The following PTPRD variants were observed in gnomAD, a reference collection of about 807,000 sequenced individuals.
PTPRD encodes the protein receptor-type tyrosine-protein phosphatase delta.
A neutral mutation model predicts 214.5 loss-of-function variants in PTPRD; 34 were observed. The ratio of observed to expected loss-of-function variants is 0.16; its 90% CI spans 0.12 to 0.21. The LOEUF (loss-of-function observed/expected upper bound fraction) is 0.21. Ranked by LOEUF, PTPRD falls within the 10% of genes least tolerant of loss-of-function variation. PTPRD has a pLI of 1.00. For missense variants in PTPRD, 2,545 were observed against 2,398.7 expected (o/e 1.06, Z -1.27); for synonymous variants, 1,128 against 845.7 (o/e 1.33, Z -5.79).
intron 2 of PTPRD, among the ~76,000 whole-genome samples, chr9:10,603,143 G>A (rs531499645): frequency 9.2e-5 from 14 of 151,896 alleles, no homozygotes; most frequent in African/African-American, 2.4e-4. Flanking sequence ...CCAGGAAAAG[G>A]GACCCGAGCT....
intron 12 of PTPRD, among the ~76,000 whole-genome samples, chr9:8,669,351 G>C (rs2097232354): frequency 1.3e-5 from 2 of 152,280 alleles, no homozygotes; most frequent in Non-Finnish European, 2.9e-5. Flanking sequence ...GACCTGAGCA[G>C]AGAGACTGGC....
At chr9:8,365,302 G>C (rs2079544710) in intron 39 of PTPRD, among the ~76,000 whole-genome samples, 1 of 152,134 alleles carries the variant, frequency 6.6e-6, no homozygotes. Flanking sequence ...ACAGGAAGAT[G>C]TAAAGAAAAT....
chr9:10,598,570 C>T (rs907050547), intron 2 of PTPRD, among the ~76,000 whole-genome samples: 6 of 151,718 alleles, frequency 4.0e-5, no homozygotes, highest in African/African-American at 1.5e-4. Context: ...TCTAATTTCA[C>T]CTTTACTTCT....
chr9:9,586,246 G>A (rs2091927236), intron 7 of PTPRD, among the ~76,000 whole-genome samples: 1 of 151,932 alleles, frequency 6.6e-6, no homozygotes, highest in Non-Finnish European at 1.5e-5. Flanking sequence ...TAGTTTTGCT[G>A]TAGACCTCAT....
chr9:9,043,920 A>G (rs2099657103), intron 10 of PTPRD, among the ~76,000 whole-genome samples: 1 of 90,004 alleles, frequency 1.1e-5, no homozygotes, highest in Non-Finnish European at 2.4e-5. Flanking sequence ...AAAATAAAAT[A>G]AAATAAAATA....
intron 5 of PTPRD, among the ~76,000 whole-genome samples, chr9:9,850,908 A>T (rs2060437728): frequency 1.3e-5 from 2 of 152,164 alleles, no homozygotes; most frequent in African/African-American, 4.8e-5. Flanking sequence ...TTGACTAAGG[A>T]GAGATTTAAT....
chr9:10,276,927 C>T (rs373117008), intron 3 of PTPRD, among the ~76,000 whole-genome samples: 3 of 152,216 alleles, frequency 2.0e-5, no homozygotes, highest in East Asian at 1.9e-4. Context: ...AAATGTAATG[C>T]GAGAACATAT....
chr9:9,575,779 GAAAAAGA>G (rs1563799629), intron 7 of PTPRD, among the ~76,000 whole-genome samples: 1 of 101,428 alleles, frequency 9.9e-6, no homozygotes, highest in African/African-American at 4.1e-5. Flanking sequence ...GAAAAAGAAA[GAAAAAGA>G]AAAAAAAAAA....
At chr9:10,233,802 T>C (rs2099620248) in intron 3 of PTPRD, among the ~76,000 whole-genome samples, 1 of 151,914 alleles carries the variant, frequency 6.6e-6, no homozygotes, top group African/African-American at 2.4e-5. Flanking sequence ...TTTTTAAATA[T>C]CTAAATATTT....
At chr9:9,042,475 T>C (rs1315109575) in intron 10 of PTPRD, among the ~76,000 whole-genome samples, 3 of 152,054 alleles carry the variant, frequency 2.0e-5, no homozygotes, top group East Asian at 3.9e-4. Flanking sequence ...TCCCCGAAAA[T>C]TGGGGTTGTC....
chr9:10,004,758 C>G (rs1024644865), intron 4 of PTPRD, among the ~76,000 whole-genome samples: 1 of 151,964 alleles, frequency 6.6e-6, no homozygotes, highest in Non-Finnish European at 1.5e-5. Context: ...CCAAGTACAA[C>G]CTTTCAGTAA....
At chr9:9,759,048 A>G (rs1053566223) in intron 6 of PTPRD, among the ~76,000 whole-genome samples, 6 of 152,092 alleles carry the variant, frequency 3.9e-5, no homozygotes, top group Non-Finnish European at 8.8e-5. Context: ...TACCCTCAAG[A>G]TTTCAGACTT....
At chr9:9,306,097 T>C (rs1192786287) in intron 9 of PTPRD, among the ~76,000 whole-genome samples, 2 of 151,976 alleles carry the variant, frequency 1.3e-5, no homozygotes, top group Non-Finnish European at 2.9e-5. Context: ...GCCCAGGAAA[T>C]ATGAAGATAA....
intron 9 of PTPRD, among the ~76,000 whole-genome samples, chr9:9,194,136 G>A (rs1288228576): frequency 1.3e-5 from 2 of 152,018 alleles, no homozygotes; most frequent in Non-Finnish European, 2.9e-5. Context: ...AGGATCATCA[G>A]TATCACTGTC....
chr9:8,596,098 T>C (rs2094460542), intron 14 of PTPRD, among the ~76,000 whole-genome samples: 1 of 152,144 alleles, frequency 6.6e-6, no homozygotes, highest in Non-Finnish European at 1.5e-5. Context: ...ATATATCCTA[T>C]TTGATAAAAC....
chr9:8,675,548 A>C (rs1364344061), intron 12 of PTPRD, among the ~76,000 whole-genome samples: 2 of 146,752 alleles, frequency 1.4e-5, no homozygotes, highest in Non-Finnish European at 3.1e-5. Context: ...CAAAAAAAAA[A>C]AAAAAAAAAA....
intron 14 of PTPRD, among the ~76,000 whole-genome samples, chr9:8,628,051 G>A (rs571533696): frequency 6.6e-6 from 1 of 151,866 alleles, no homozygotes; most frequent in Non-Finnish European, 1.5e-5. Flanking sequence ...TTCTGTGTTG[G>A]CCACCCTTCC....
chr9:9,189,059 T>C (rs1350476900), intron 9 of PTPRD, among the ~76,000 whole-genome samples: 1 of 152,116 alleles, frequency 6.6e-6, no homozygotes, highest in African/African-American at 2.4e-5. Flanking sequence ...TAATCCATTT[T>C]GAACATGGTA....
chr9:10,146,982 T>G (rs1564121966), intron 3 of PTPRD, among the ~76,000 whole-genome samples: 2 of 151,206 alleles, frequency 1.3e-5, no homozygotes, highest in Non-Finnish European at 3.0e-5. Flanking sequence ...GGTGGCGACT[T>G]CAAGTCTGAA....
Sources: gnomAD v4.1 joint callset for allele counts (sites outside exome capture counted in the v4.1 genomes callset) on GRCh38, gnomAD v4.1.1 for gene constraint, MANE v1.5 for transcripts, NCBI Gene and HGNC (gene_info 2026-07-23, HGNC 2026-07-21) for gene names.